The following ZNF429 variants were observed in gnomAD, a reference collection of about 807,000 sequenced individuals.
ZNF429 encodes zinc finger protein 429.
In ZNF429, 53 loss-of-function variants were observed where a neutral mutation model predicts 56.8. The observed-to-expected ratio is 0.93, with a 90% confidence interval of 0.75 to 1.17. ZNF429 has a LOEUF of 1.17. Ranked by LOEUF, ZNF429 falls within the 50% of genes most tolerant of loss-of-function variation. The probability of loss-of-function intolerance (pLI) is 0.00; values close to 1 mark genes in which losing one functional copy is unlikely to be tolerated. For synonymous variants in ZNF429, 278 were observed against 264.7 expected (o/e 1.05, Z -0.49); for missense variants, 849 against 788.4 (o/e 1.08, Z -0.92).
At chr19:21,509,115 TCTC>T (rs1030813307) in intron 1 of ZNF429, among the ~76,000 whole-genome samples, 3 of 151,946 alleles carry the variant, frequency 2.0e-5, no homozygotes, top group Non-Finnish European at 2.9e-5. Context: ...TTCAAGCAAT[TCTC>T]CTGCCTCAGC....
At position 21,537,422 on chromosome 19, in the gene ZNF429, G is replaced by A. The variant is rs190865119; in HGVS notation, c.1369G>A (p.Glu457Lys). 5.6e-6 allele frequency: 9 copies of A among 1,613,144 alleles called. No homozygotes were observed. Among genetic ancestry groups the A allele is most frequent in the African/African-American group, 1.3e-5 (1 of 74,828 alleles). Residue 457 changes from glutamate (E) to lysine (K), a missense_variant, in exon 4 of 4, where the codon GAA becomes AAA. Glu to Lys is a moderately conservative substitution (Grantham distance 56). Transcript: ENST00000358491. ...TGAAGAGAAACCCTATAAATGTAACGAATGTGGCAAAGCTTTTAACCGGTC... is the reference window on the plus strand; with the variant it reads ...TGAAGAGAAACCCTATAAATGTAACAAATGTGGCAAAGCTTTTAACCGGTC... Reference protein sequence around the residue: ...HTEEKPYKCNECGKAFNRSSH... With the variant: ...HTEEKPYKCNKCGKAFNRSSH...
chr19:21,535,882 AG>A, intron 3 of ZNF429, among the ~76,000 whole-genome samples: 2 of 152,176 alleles, frequency 1.3e-5, no homozygotes, highest in African/African-American at 4.8e-5. Context: ...GTAATATCCT[AG>A]AAGCCAGAAA....
At chr19:21,525,380 G>A (rs2033126312) in intron 1 of ZNF429, among the ~76,000 whole-genome samples, 1 of 152,030 alleles carries the variant, frequency 6.6e-6, no homozygotes, top group Admixed American at 6.5e-5. Context: ...TCTTAGGTAA[G>A]TCTAGGAAAA....
chr19:21,510,996 A>G (rs954005127), intron 1 of ZNF429, among the ~76,000 whole-genome samples: 15 of 152,118 alleles, frequency 9.9e-5, no homozygotes, highest in South Asian at 4.1e-4. Flanking sequence ...ACACAGACAC[A>G]GCAACCATCC....
In ZNF429 at chr19:21,505,642, A is replaced by G; in HGVS notation, c.-130A>G. The G allele has an allele frequency of 1.0e-6, 1 of 959,912 alleles. No homozygotes were observed. Among genetic ancestry groups the G allele is most frequent in the Non-Finnish European group, 1.5e-6 (1 of 658,592 alleles). 59.5% of individuals were successfully genotyped at this position (959,912 alleles called of 1,614,324 possible). On this transcript the variant is annotated 5_prime_UTR_variant, in exon 1 of 4. Transcript: ENST00000358491. ...TGGCGGGGCGTTTGGCTCTTGCTGC[A>G]GCCAGAGCTCCAGGTCTCGTCTTCA...
chr19:21,524,527 CAAAA>C (rs956212682), intron 1 of ZNF429, among the ~76,000 whole-genome samples: 1 of 137,510 alleles, frequency 7.3e-6, no homozygotes, highest in East Asian at 2.1e-4. Flanking sequence ...GACTCCATCT[CAAAA>C]AAAAAAAAAA....
chr19:21,530,773 C>G, intron 3 of ZNF429, 89 bp downstream of exon 3: 2 of 990,768 alleles, frequency 2.0e-6, no homozygotes, highest in Non-Finnish European at 2.9e-6. Context: ...ATTTGGGAAG[C>G]TATGTTTCAA....
intron 1 of ZNF429, among the ~76,000 whole-genome samples, chr19:21,506,486 G>T (rs1033135643): frequency 4.3e-5 from 6 of 138,608 alleles, no homozygotes; most frequent in Admixed American, 2.8e-4. Flanking sequence ...AAATATTAAA[G>T]AATTTAATTA....
chr19:21,527,094 C>T (rs1392727285), intron 1 of ZNF429, among the ~76,000 whole-genome samples: 1 of 152,178 alleles, frequency 6.6e-6, no homozygotes, highest in Non-Finnish European at 1.5e-5. Flanking sequence ...TGTGTTGTGA[C>T]AAGAGTCCTG....
chr19:21,505,761 G>A lies in ZNF429; in HGVS notation c.-11G>A. The A allele has an allele frequency of 6.2e-7, 1 of 1,611,240 alleles. No individual in the cohort carries two copies. Among genetic ancestry groups the A allele is most frequent in the East Asian group, 2.2e-5 (1 of 44,776 alleles). On this transcript the variant is annotated 5_prime_UTR_variant, in exon 1 of 4. Transcript: ENST00000358491. ...ACAGCTAAGACTCCAGGACCCCCTG[G>A]AAGCCTAGAAATGGTGAGAGTGCCG...
intron 1 of ZNF429, 159 bp downstream of exon 1, chr19:21,505,933 ATGGCGAC>A: frequency 1.4e-6 from 1 of 715,366 alleles, no homozygotes; most frequent in African/African-American, 1.8e-5. Context: ...CAGCCATAAG[ATGGCGAC>A]TGTGCTGACA....
At chr19:21,517,793 T>G (rs2032818728) in intron 1 of ZNF429, among the ~76,000 whole-genome samples, 1 of 150,238 alleles carries the variant, frequency 6.7e-6, no homozygotes, top group South Asian at 2.1e-4. Context: ...CTTTTGTCAT[T>G]TCCTTTTTTT....
At chr19:21,531,106 C>CAAAAAAAAAAAAAAAAAAAA in intron 3 of ZNF429, among the ~76,000 whole-genome samples, 5 of 17,532 alleles carry the variant, frequency 2.9e-4, no homozygotes, top group African/African-American at 3.0e-4. Flanking sequence ...AACTCCATCT[C>CAAAAAAAAAAAAAAAAAAAA]AAAAAAAAAA....
At chr19:21,510,888 G>A (rs1393194384) in intron 1 of ZNF429, among the ~76,000 whole-genome samples, 2 of 152,106 alleles carry the variant, frequency 1.3e-5, no homozygotes, top group African/African-American at 4.8e-5. Flanking sequence ...AGAGAGCACA[G>A]GGTTGGGGGT....
rs772646041 is a variant in ZNF429 at position 21,529,701 on chromosome 19, A to G, written c.47A>G (p.Glu16Gly). ...GATGTGGCCATAGAATTCTCTCTGG[A>G]GGAGTGGCAGTGCCTGGACACAGCA... ...FTDVAIEFSL[E>G]EWQCLDTAQQ... The change falls in exon 2 of 4, where the codon GAG becomes GGG. Residue 16 changes from glutamate (E) to glycine (G), a missense_variant. Transcript: ENST00000358491. The G allele has an allele frequency of 4.4e-6, 7 of 1,600,998 alleles. No homozygotes were observed. The highest frequency in any genetic ancestry group is 1.1e-5 in the South Asian group (1 of 90,092).
chr19:21,530,555 G>A, intron 2 of ZNF429, 34 bp from the exon 3 acceptor site: 3 of 1,497,754 alleles, frequency 2.0e-6, no homozygotes, highest in Non-Finnish European at 1.8e-6. Flanking sequence ...CAGAATATAA[G>A]CAAGATTCAT....
chr19:21,507,108 C>G (rs752040816), intron 1 of ZNF429, among the ~76,000 whole-genome samples: 3 of 152,066 alleles, frequency 2.0e-5, no homozygotes, highest in Non-Finnish European at 4.4e-5. Context: ...GGGACTACAG[C>G]CACCTCAGTC....
At position 21,536,787 on chromosome 19, in the gene ZNF429, C is replaced by G. The variant is rs202050037; in HGVS notation, c.734C>G (p.Thr245Ser). The change falls in exon 4 of 4, where the codon ACT (threonine) becomes AGT (serine). Residue 245 changes from threonine to serine, a missense_variant. Physicochemically the swap from Thr to Ser is moderately conservative, Grantham distance 58. Transcript: ENST00000358491. Reference protein sequence around the residue: ...GKAFNHYSTLTNHKRIHTGEK... With the variant: ...GKAFNHYSTLSNHKRIHTGEK... ...GCATTTAACCACTACTCAACCCTTACTAACCATAAGAGAATTCATACTGGA... is the reference window on the plus strand; with the variant it reads ...GCATTTAACCACTACTCAACCCTTAGTAACCATAAGAGAATTCATACTGGA... 6.2e-6 allele frequency: 10 copies of G among 1,613,972 alleles called. No homozygotes were observed. The highest frequency in any genetic ancestry group is 5.0e-5 in the Admixed American group (3 of 60,018).
rs542666227 is a variant in ZNF429 at position 21,511,386 on chromosome 19, C to T, written c.3+5612C>T. Among the ~76,000 whole-genome samples, 3 of 152,108 alleles carry T rather than the reference C, an allele frequency of 2.0e-5. No homozygotes were observed. In the East Asian group the frequency reaches 5.8e-4, roughly 30 times the overall value. On this transcript the variant is annotated intron_variant, in intron 1 of 3. Coordinates refer to ENST00000358491, the MANE Select transcript of ZNF429 (RefSeq NM_001001415.4). ...TGGGCGGCCGGGCAGAGACGCTCCT[C>T]ACCTCCCAGACAGGGTCACGGCCGG...
Sources: gnomAD v4.1 joint callset for allele counts (sites outside exome capture counted in the v4.1 genomes callset) on GRCh38, gnomAD v4.1.1 for gene constraint, MANE v1.5 for transcripts, NCBI Gene and HGNC (gene_info 2026-07-23, HGNC 2026-07-21) for gene names.